The following MIPOL1 variants were observed in gnomAD, a reference collection of about 807,000 sequenced individuals.
The protein encoded by MIPOL1 is mirror-image polydactyly gene 1 protein.
Under a neutral mutation model 60.9 loss-of-function variants are expected in MIPOL1, and 57 were observed. The observed-to-expected ratio is 0.94, with a 90% confidence interval of 0.76 to 1.17. The LOEUF is 1.17. Ranked by LOEUF, MIPOL1 falls within the 50% of genes most tolerant of loss-of-function variation. The pLI is 0.00. For missense variants in MIPOL1, 551 were observed against 511.6 expected, an observed-to-expected ratio of 1.08 and a Z score of -0.74; for synonymous variants, 179 against 168.8, an observed-to-expected ratio of 1.06 and a Z score of -0.47.
intron 7 of MIPOL1, among the ~76,000 whole-genome samples, chr14:37,289,268 C>A (rs2084850091): frequency 6.6e-6 from 1 of 152,210 alleles, no homozygotes; most frequent in South Asian, 2.1e-4. Flanking sequence ...TTCCTCCACA[C>A]ACCAAGCAAG....
intron 11 of MIPOL1, among the ~76,000 whole-genome samples, chr14:37,480,394 C>A (rs548352272): frequency 1.3e-5 from 2 of 151,864 alleles, no homozygotes; most frequent in Non-Finnish European, 2.9e-5. Context: ...GATGGTGAAA[C>A]GTATGCAAAT....
intron 1 of MIPOL1, among the ~76,000 whole-genome samples, chr14:37,224,970 A>G (rs918964550): frequency 3.9e-5 from 6 of 152,232 alleles, no homozygotes; most frequent in Admixed American, 2.0e-4. Context: ...CAAAGGAGCT[A>G]CAGGCCCCAT....
chr14:37,460,763 C>T (rs1163757314), intron 11 of MIPOL1, among the ~76,000 whole-genome samples: 1 of 152,032 alleles, frequency 6.6e-6, no homozygotes, highest in African/African-American at 2.4e-5. Context: ...TTACAATAGC[C>T]ACACAAGAAA....
At chr14:37,292,938 G>A (rs570195818) in intron 7 of MIPOL1, among the ~76,000 whole-genome samples, 2 of 152,108 alleles carry the variant, frequency 1.3e-5, no homozygotes, top group African/African-American at 4.8e-5. Flanking sequence ...TTTGCTAGAG[G>A]TTCTGTCTTC....
chr14:37,471,415 A>G (rs914430242), intron 11 of MIPOL1, among the ~76,000 whole-genome samples: 2 of 152,168 alleles, frequency 1.3e-5, no homozygotes, highest in Non-Finnish European at 2.9e-5. Context: ...GCCTCAGTAT[A>G]TCTCCATGTT....
At chr14:37,344,388 A>G (rs2090792203) in intron 9 of MIPOL1, among the ~76,000 whole-genome samples, 1 of 151,960 alleles carries the variant, frequency 6.6e-6, no homozygotes. Context: ...TCTCTGTAGT[A>G]TCATTTAATA....
intron 9 of MIPOL1, among the ~76,000 whole-genome samples, chr14:37,347,788 A>G (rs189694189): frequency 6.6e-6 from 1 of 152,362 alleles, no homozygotes; most frequent in African/African-American, 2.4e-5. Context: ...AATATCTTCA[A>G]AGTGCCAAAG....
At chr14:37,361,400 A>T (rs889881994) in intron 9 of MIPOL1, among the ~76,000 whole-genome samples, 3 of 151,926 alleles carry the variant, frequency 2.0e-5, no homozygotes, top group African/African-American at 4.8e-5. Context: ...CTTCTCTCTC[A>T]TTGATCAGTC....
intron 10 of MIPOL1, among the ~76,000 whole-genome samples, chr14:37,402,552 T>G (rs1386187146): frequency 6.6e-6 from 1 of 152,140 alleles, no homozygotes; most frequent in Non-Finnish European, 1.5e-5. Context: ...CCAGTGAAAT[T>G]CTTAAATTGA....
At position 37,226,551 on chromosome 14, in the gene MIPOL1, C is replaced by G. The variant is rs548871267; in HGVS notation, c.-198-20552C>G. Among the ~76,000 whole-genome samples the G allele has an allele frequency of 3.3e-5, 5 of 152,320 alleles. No homozygotes were observed. The South Asian group carries it at 1.0e-3, about 32-fold the overall frequency. On this transcript the variant is annotated intron_variant, in intron 1 of 12. Transcript: ENST00000684589. ...AGAACAGTATGGGGGAAACCACCCC[C>G]ACGATTCGATTTTCTCCCACTGGGT...
At chr14:37,404,975 T>C (rs58169951) in intron 10 of MIPOL1, among the ~76,000 whole-genome samples, 12,229 of 152,178 alleles carry the variant, frequency 0.08, 1,653 homozygotes, top group African/African-American at 0.28. Flanking sequence ...CTGAAACCAG[T>C]TTCTCTTTTT....
chr14:37,488,453 C>T (rs181375050), intron 11 of MIPOL1, among the ~76,000 whole-genome samples: 1 of 152,252 alleles, frequency 6.6e-6, no homozygotes, highest in East Asian at 1.9e-4. Flanking sequence ...GTGTGGGAGT[C>T]TAAGTCTCTT....
At chr14:37,468,515 A>G (rs978795506) in intron 11 of MIPOL1, among the ~76,000 whole-genome samples, 1 of 152,234 alleles carries the variant, frequency 6.6e-6, no homozygotes, top group Non-Finnish European at 1.5e-5. Flanking sequence ...ACGATAGACT[A>G]GTCCTAAATA....
chr14:37,307,996 C>G, intron 7 of MIPOL1, 60 bp from the exon 8 acceptor site: 1 of 1,404,024 alleles, frequency 7.1e-7, no homozygotes, highest in Non-Finnish European at 9.9e-7. Context: ...AAAAAGCGAA[C>G]TCATTTTGCT....
At chr14:37,296,960 C>A (rs1422700849) in intron 7 of MIPOL1, among the ~76,000 whole-genome samples, 1 of 152,138 alleles carries the variant, frequency 6.6e-6, no homozygotes, top group Non-Finnish European at 1.5e-5. Context: ...TTTTATGAGG[C>A]CAGCATCATT....
intron 3 of MIPOL1, among the ~76,000 whole-genome samples, chr14:37,251,385 A>G (rs960744909): frequency 1.3e-5 from 2 of 152,074 alleles, no homozygotes; most frequent in African/African-American, 4.8e-5. Context: ...TTCTTTAAGG[A>G]GTTAAAAAAA....
chr14:37,257,058 G>A (rs1205832261), intron 3 of MIPOL1, among the ~76,000 whole-genome samples: 1 of 145,402 alleles, frequency 6.9e-6, no homozygotes, highest in Non-Finnish European at 1.5e-5. Context: ...TTCCTTTCAT[G>A]TTTTTCTTTT....
chr14:37,454,115 C>A lies in MIPOL1; in HGVS notation c.1031+31166C>A, dbSNP rs573014704. Among the ~76,000 whole-genome samples, 5 of 152,324 alleles carry A rather than the reference C, an allele frequency of 3.3e-5. No homozygotes were observed. The South Asian group carries it at 1.0e-3, about 32-fold the overall frequency. On this transcript the variant is annotated intron_variant, in intron 11 of 12. Transcript: ENST00000684589. ...CTGGAATAAATAAGGAATTGACACA[C>A]TATGTCATACATTTGCCCCAGTGTC...
At chr14:37,298,019 C>T (rs1278066206) in intron 7 of MIPOL1, among the ~76,000 whole-genome samples, 1 of 152,144 alleles carries the variant, frequency 6.6e-6, no homozygotes, top group South Asian at 2.1e-4. Flanking sequence ...AAGAACAAAG[C>T]TGGAGGCATC....
Sources: gnomAD v4.1 joint callset for allele counts (sites outside exome capture counted in the v4.1 genomes callset) on GRCh38, gnomAD v4.1.1 for gene constraint, MANE v1.5 for transcripts, NCBI Gene and HGNC (gene_info 2026-07-23, HGNC 2026-07-21) for gene names.